Variants in NIBAN1 observed in about 807,000 individuals in gnomAD.
The protein encoded by NIBAN1 is niban apoptosis regulator 1.
NIBAN1 carries 81 observed loss-of-function variants against 75.1 expected under a neutral mutation model. The ratio of observed to expected loss-of-function variants is 1.08; its 90% confidence interval spans 0.90 to 1.30. NIBAN1 has a LOEUF of 1.30. NIBAN1 is among the 50% of genes most tolerant of loss of function. The pLI is 0.00. For synonymous variants in NIBAN1, 436 were observed against 424.8 expected, an observed-to-expected ratio of 1.03 and a Z score of -0.32; for missense variants, 1,133 against 1,128.1, an observed-to-expected ratio of 1.00 and a Z score of -0.06.
chr1:184,819,113 T>C (rs185029690), intron 8 of NIBAN1, among the ~76,000 whole-genome samples: 1 of 152,284 alleles, frequency 6.6e-6, no homozygotes, highest in Admixed American at 6.5e-5. Context: ...CAACTCTTCA[T>C]ATGAAGAAGA....
At chr1:184,904,084 C>G (rs1340508991) in intron 1 of NIBAN1, among the ~76,000 whole-genome samples, 1 of 152,086 alleles carries the variant, frequency 6.6e-6, no homozygotes, top group Non-Finnish European at 1.5e-5. Context: ...TTAGCAGAGA[C>G]AGGGTTTCAC....
At chr1:184,810,901 C>T (rs2102201780) in intron 9 of NIBAN1, among the ~76,000 whole-genome samples, 1 of 152,334 alleles carries the variant, frequency 6.6e-6, no homozygotes, top group Middle Eastern at 3.4e-3. Flanking sequence ...TCTAGTGACT[C>T]CCAGGAGCGC....
At chr1:184,910,676 T>C (rs894976501) in intron 1 of NIBAN1, among the ~76,000 whole-genome samples, 1 of 152,216 alleles carries the variant, frequency 6.6e-6, no homozygotes, top group African/African-American at 2.4e-5. Flanking sequence ...ATTAATTTTA[T>C]GTGTCAGTTT....
rs1221182916 is a variant in NIBAN1 at position 184,791,118 on chromosome 1, T to G, written c.*3859A>C. On this transcript the variant is annotated 3_prime_UTR_variant, in exon 14 of 14. Coordinates refer to ENST00000367511, the MANE Select transcript of NIBAN1 (RefSeq NM_052966.4). The stretch of plus-strand genomic sequence containing the variant: ...GTGTTTTAAGTTTATTTGCTTTATA[T>G]AGTGACCGGGAAAGTCAATCCACAG... 1 of 457,002 alleles carries G rather than the reference T, an allele frequency of 2.2e-6. No individual in the cohort carries two copies. The highest frequency in any genetic ancestry group is 4.5e-6 in the Non-Finnish European group (1 of 223,232). The allele number at this position is 457,002 out of a possible 1,614,324, so 28.3% of individuals were successfully genotyped here.
In NIBAN1 at chr1:184,824,618, C is replaced by A. The variant is rs143541634; in HGVS notation, c.718-876G>T. Among the ~76,000 whole-genome samples the A allele has an allele frequency of 3.3e-5, 5 of 152,312 alleles. No homozygotes were observed. In the East Asian group the frequency reaches 9.6e-4, roughly 29 times the overall value. On this transcript the variant is annotated intron_variant, in intron 6 of 13. Coordinates refer to ENST00000367511, the MANE Select transcript of NIBAN1 (RefSeq NM_052966.4). ...GACCAGGCACAGAAAGCTGACGATG[C>A]TGGAGATGCCAGGGGAAGTGTGTGC...
At chr1:184,855,890 G>C (rs181936028) in intron 5 of NIBAN1, among the ~76,000 whole-genome samples, 28 of 152,268 alleles carry the variant, frequency 1.8e-4, no homozygotes, top group Admixed American at 1.6e-3. Flanking sequence ...TTAAATTAAT[G>C]TATAAGTATT....
intron 6 of NIBAN1, among the ~76,000 whole-genome samples, chr1:184,827,354 G>A (rs1053120285): frequency 6.6e-6 from 1 of 151,818 alleles, no homozygotes; most frequent in African/African-American, 2.4e-5. Context: ...TGCCCTGATC[G>A]AGTGCTGCCT....
chr1:184,939,048 T>C (rs1439295057), intron 1 of NIBAN1, among the ~76,000 whole-genome samples: 2 of 152,270 alleles, frequency 1.3e-5, no homozygotes, highest in Admixed American at 1.3e-4. Context: ...TATTTTGACT[T>C]ATTTGAGAAT....
intron 10 of NIBAN1, among the ~76,000 whole-genome samples, chr1:184,807,501 A>G (rs764884285): frequency 5.9e-5 from 9 of 152,156 alleles, no homozygotes; most frequent in Admixed American, 4.6e-4. Context: ...AAAAGTAGCC[A>G]TATAGGCTGG....
At chr1:184,954,104 C>T (rs1658424671) in intron 1 of NIBAN1, among the ~76,000 whole-genome samples, 1 of 152,188 alleles carries the variant, frequency 6.6e-6, no homozygotes, top group African/African-American at 2.4e-5. Flanking sequence ...ACATTATCTA[C>T]ATACACAACG....
intron 11 of NIBAN1, among the ~76,000 whole-genome samples, chr1:184,804,050 C>T (rs1441304197): frequency 2.2e-4 from 33 of 152,332 alleles, no homozygotes. Context: ...TATTACTCCA[C>T]ATCTTCAAAC....
At chr1:184,886,129 A>G (rs1557900693) in intron 4 of NIBAN1, among the ~76,000 whole-genome samples, 1 of 151,984 alleles carries the variant, frequency 6.6e-6, no homozygotes, top group Non-Finnish European at 1.5e-5. Context: ...ATTCTCATTC[A>G]TCCTTCAAAA....
intron 5 of NIBAN1, among the ~76,000 whole-genome samples, chr1:184,880,344 C>T (rs234656): frequency 0.099 from 15,009 of 152,300 alleles, 1,114 homozygotes; most frequent in African/African-American, 0.2. Flanking sequence ...ACTGCCTACA[C>T]TGCAGCCATT....
rs542034202 is a variant in NIBAN1, at chr1:184,903,619, C to T, written c.56-4310G>A. ...GCTCTTGCCATGTGATGCACCTGCT[C>T]CCCCTTTGCCTTCTGCTATGATTGT... is the stretch of plus-strand genomic sequence containing the variant. On this transcript the variant is annotated intron_variant, in intron 1 of 13. Transcript: ENST00000367511. 1.8e-4 allele frequency among the ~76,000 whole-genome samples: 28 copies of T among 152,158 alleles called. No individual in the cohort carries two copies. In the East Asian group the frequency reaches 5.0e-3, roughly 27 times the overall value.
At chr1:184,873,739 T>C (rs1248035125) in intron 5 of NIBAN1, among the ~76,000 whole-genome samples, 2 of 152,202 alleles carry the variant, frequency 1.3e-5, no homozygotes, top group East Asian at 3.8e-4. Context: ...TTGGAAATTT[T>C]CTCTTTGTTT....
chr1:184,806,119 C>A, intron 10 of NIBAN1, 63 bp from the exon 11 acceptor site: 1 of 1,376,158 alleles, frequency 7.3e-7, no homozygotes, highest in Non-Finnish European at 1.0e-6. Flanking sequence ...CACCCACAGG[C>A]CTGGCTAAGT....
intron 5 of NIBAN1, among the ~76,000 whole-genome samples, chr1:184,858,457 C>A (rs1655733467): frequency 6.6e-6 from 1 of 152,086 alleles, no homozygotes; most frequent in African/African-American, 2.4e-5. Context: ...AGATCTCAGA[C>A]TCATGGCCAA....
At chr1:184,929,586 G>T (rs1571582005) in intron 1 of NIBAN1, among the ~76,000 whole-genome samples, 1 of 151,992 alleles carries the variant, frequency 6.6e-6, no homozygotes, top group Admixed American at 6.5e-5. Flanking sequence ...CTCCAAAAAA[G>T]AAGATATATA....
chr1:184,878,117 T>A (rs552588391), intron 5 of NIBAN1, among the ~76,000 whole-genome samples: 1 of 152,242 alleles, frequency 6.6e-6, no homozygotes, highest in African/African-American at 2.4e-5. Flanking sequence ...CCAAAAGAAG[T>A]ATTTAAATGT....
Sources: allele counts gnomAD v4.1 joint callset (sites outside exome capture counted in the v4.1 genomes callset), GRCh38; gene constraint gnomAD v4.1.1; transcripts MANE v1.5; gene names NCBI Gene and HGNC (gene_info 2026-07-23, HGNC 2026-07-21).